The following SGCZ variants were observed in gnomAD, a reference collection of about 807,000 sequenced individuals.
SGCZ encodes zeta-sarcoglycan.
Under a neutral mutation model 41.3 loss-of-function variants are expected in SGCZ, and 40 were observed. That is an observed-to-expected ratio of 0.97 (90% CI 0.75 to 1.26). SGCZ has a LOEUF of 1.26. SGCZ is among the 50% of genes most tolerant of loss of function. The pLI is 0.00. For missense variants in SGCZ, 552 were observed against 369.8 expected (o/e 1.49, Z -4.04); for synonymous variants, 206 against 137.5 (o/e 1.50, Z -3.49).
At chr8:15,014,334 T>A (rs371919010) in intron 1 of SGCZ, among the ~76,000 whole-genome samples, 65 of 152,284 alleles carry the variant, frequency 4.3e-4, no homozygotes, top group African/African-American at 1.4e-3. Context: ...CCAGGGGCTG[T>A]TCACAGTGGT....
intron 1 of SGCZ, among the ~76,000 whole-genome samples, chr8:15,046,757 A>G (rs764331965): frequency 2.0e-5 from 3 of 152,052 alleles, no homozygotes; most frequent in Non-Finnish European, 2.9e-5. Flanking sequence ...ATGTGGATAT[A>G]GTTACAGATA....
chr8:14,837,097 A>T (rs973629461), intron 1 of SGCZ, among the ~76,000 whole-genome samples: 12 of 152,144 alleles, frequency 7.9e-5, no homozygotes, highest in African/African-American at 2.9e-4. Context: ...GCCAGACACA[A>T]ATTTTGTCAC....
chr8:14,598,999 A>C (rs374202391), intron 1 of SGCZ, among the ~76,000 whole-genome samples: 104 of 152,170 alleles, frequency 6.8e-4, no homozygotes, highest in African/African-American at 2.3e-3. Context: ...TATCCACATA[A>C]TGTTTAAAAT....
rs143996956 is a variant in SGCZ, at chr8:14,199,401, C to A, written c.425-34699G>T. Reference sequence around the variant, plus strand: ...AAGATGTTATCAATGACAATGCATGCCCGAAACTTCATTAGTAATTTTAAT... The same window carrying A: ...AAGATGTTATCAATGACAATGCATGACCGAAACTTCATTAGTAATTTTAAT... On this transcript the variant is annotated intron_variant, in intron 4 of 7. Coordinates refer to ENST00000382080, the MANE Select transcript of SGCZ (RefSeq NM_139167.4). Among the ~76,000 whole-genome samples the A allele has an allele frequency of 9.6e-3, 1,457 of 152,254 alleles. 30 individuals carry two copies. The highest frequency in any genetic ancestry group is 0.033 in the African/African-American group (1,384 of 41,550).
intron 5 of SGCZ, among the ~76,000 whole-genome samples, chr8:14,131,477 A>G (rs962081407): frequency 6.6e-6 from 1 of 152,180 alleles, no homozygotes; most frequent in Non-Finnish European, 1.5e-5. Flanking sequence ...TCTGGCCTCT[A>G]TGGTTCCTGA....
chr8:15,188,373 G>C (rs1800417242), intron 1 of SGCZ, among the ~76,000 whole-genome samples: 1 of 152,078 alleles, frequency 6.6e-6, no homozygotes, highest in South Asian at 2.1e-4. Context: ...ATATTTTAAA[G>C]TATCTCTCTG....
intron 2 of SGCZ, among the ~76,000 whole-genome samples, chr8:14,410,673 C>A (rs563431176): frequency 3.9e-5 from 6 of 152,116 alleles, no homozygotes; most frequent in Non-Finnish European, 5.9e-5. Context: ...GGCCTTAAAA[C>A]CTAGATGATG....
intron 1 of SGCZ, among the ~76,000 whole-genome samples, chr8:14,799,031 C>A (rs1801227494): frequency 6.6e-6 from 1 of 151,734 alleles, no homozygotes; most frequent in Non-Finnish European, 1.5e-5. Flanking sequence ...ACTCCATTTT[C>A]TTGATCTCAA....
At chr8:14,422,049 C>T (rs113286449) in intron 2 of SGCZ, among the ~76,000 whole-genome samples, 3 of 152,190 alleles carry the variant, frequency 2.0e-5, no homozygotes, top group African/African-American at 7.2e-5. Context: ...CTTTTTAATA[C>T]TCAAAGTTCC....
chr8:14,508,720 A>T (rs28373438), intron 2 of SGCZ, among the ~76,000 whole-genome samples: 2,388 of 152,306 alleles, frequency 0.016, 60 homozygotes, highest in African/African-American at 0.055. Context: ...AACAGTAGCA[A>T]CGTTGGTTGT....
intron 4 of SGCZ, among the ~76,000 whole-genome samples, chr8:14,181,985 C>T (rs977927960): frequency 7.2e-5 from 11 of 152,152 alleles, no homozygotes; most frequent in African/African-American, 2.7e-4. Context: ...AAATTGGTTA[C>T]ATACCTAACC....
chr8:14,429,913 C>T (rs910823273), intron 2 of SGCZ, among the ~76,000 whole-genome samples: 4 of 152,006 alleles, frequency 2.6e-5, no homozygotes, highest in African/African-American at 9.7e-5. Context: ...AGGAATGTAT[C>T]TATCTCCTCT....
chr8:14,986,957 T>G (rs1366667189), intron 1 of SGCZ, among the ~76,000 whole-genome samples: 1 of 151,924 alleles, frequency 6.6e-6, no homozygotes, highest in Non-Finnish European at 1.5e-5. Context: ...AGGAGGAGAA[T>G]AAAAATGGCT....
rs1340869529 is a variant in SGCZ at position 14,605,731 on chromosome 8, G to C, written c.40-50805C>G. Among the ~76,000 whole-genome samples the C allele has an allele frequency of 3.9e-5, 6 of 152,142 alleles. No individual in the cohort carries two copies. In the South Asian group the frequency reaches 1.0e-3, roughly 26 times the overall value. On this transcript the variant is annotated intron_variant, in intron 1 of 7. Coordinates refer to ENST00000382080, the MANE Select transcript of SGCZ (RefSeq NM_139167.4). ...ACTTCACTTCTTATTTGCAGATATA[G>C]TTACTGTTTCATTAGAAACTGTGTA...
chr8:14,379,496 G>T lies in SGCZ; in HGVS notation c.235-55292C>A, dbSNP rs531053664. ...GTATAATCTTGGGCAAATGGACATA[G>T]CCCCTGCTCCCAAGGGAAACAACTC... On this transcript the variant is annotated intron_variant, in intron 2 of 7. Coordinates refer to ENST00000382080, the MANE Select transcript of SGCZ (RefSeq NM_139167.4). 3.3e-5 allele frequency among the ~76,000 whole-genome samples: 5 copies of T among 152,214 alleles called. No individual in the cohort carries two copies. The South Asian group carries it at 1.0e-3, about 32-fold the overall frequency.
chr8:15,052,669 GA>G (rs1216012697), intron 1 of SGCZ, among the ~76,000 whole-genome samples: 2 of 151,180 alleles, frequency 1.3e-5, no homozygotes, highest in South Asian at 2.1e-4. Flanking sequence ...TTCCTTGGAA[GA>G]AAAAAAAATT....
At chr8:15,099,988 C>T (rs1806540739) in intron 1 of SGCZ, among the ~76,000 whole-genome samples, 1 of 151,948 alleles carries the variant, frequency 6.6e-6, no homozygotes, top group South Asian at 2.1e-4. Context: ...ATACCTAGAG[C>T]CAATATCCTA....
At chr8:15,177,263 G>C (rs1800028728) in intron 1 of SGCZ, among the ~76,000 whole-genome samples, 1 of 152,192 alleles carries the variant, frequency 6.6e-6, no homozygotes, top group Non-Finnish European at 1.5e-5. Context: ...ATGTTCCTCA[G>C]ATGGTCGAAA....
At chr8:14,533,565 A>T (rs1014737882) in intron 2 of SGCZ, among the ~76,000 whole-genome samples, 1 of 151,992 alleles carries the variant, frequency 6.6e-6, no homozygotes, top group African/African-American at 2.4e-5. Context: ...TTTCAAAGAA[A>T]CTCATGATGA....
Sources: allele counts gnomAD v4.1 joint callset (sites outside exome capture counted in the v4.1 genomes callset), GRCh38; gene constraint gnomAD v4.1.1; transcripts MANE v1.5; gene names NCBI Gene and HGNC (gene_info 2026-07-23, HGNC 2026-07-21).